Variants in BUB1B observed in about 807,000 individuals in gnomAD.
The protein encoded by BUB1B is mitotic checkpoint serine/threonine-protein kinase BUB1 beta.
Under a neutral mutation model 137.7 loss-of-function variants are expected in BUB1B, and 86 were observed. That is an observed-to-expected ratio of 0.62 (90% confidence interval 0.52 to 0.75). BUB1B has a LOEUF of 0.75. BUB1B is among the 30% of genes least tolerant of loss of function. The pLI is 0.00. For synonymous variants in BUB1B, 420 were observed against 417.9 expected (o/e 1.00, Z -0.06); for missense variants, 1,130 against 1,236.9 (o/e 0.91, Z 1.30).
chr15:40,211,577 A>G (rs2140907168), intron 18 of BUB1B, among the ~76,000 whole-genome samples: 1 of 152,286 alleles, frequency 6.6e-6, no homozygotes, highest in South Asian at 2.1e-4. Context: ...ATTGGTCTGA[A>G]GAATAGAAGA....
Position 40,161,257 on chromosome 15 carries a change from T to C in BUB1B, c.35+2T>C. 1 of 1,612,126 alleles carries C rather than the reference T, an allele frequency of 6.2e-7. No individual in the cohort carries two copies. Among genetic ancestry groups the C allele is most frequent in the Non-Finnish European group, 8.5e-7 (1 of 1,179,122 alleles). The stretch of plus-strand genomic sequence containing the variant: ...GAAGAAGGAAGGGGGTGCTCTGAGG[T>C]AGGTACGGGAGAAAGCTGCTGGGGG... On this transcript the variant is annotated splice_donor_variant, in intron 1 of 22. Coordinates refer to ENST00000287598, the MANE Select transcript of BUB1B (RefSeq NM_001211.6). LOFTEE classifies it high-confidence loss of function.
intron 6 of BUB1B, among the ~76,000 whole-genome samples, 188 bp from the exon 7 acceptor site, chr15:40,184,977 A>G (rs2037340923): frequency 1.3e-5 from 2 of 152,176 alleles, no homozygotes; most frequent in Admixed American, 1.3e-4. Flanking sequence ...ATAAGTAACA[A>G]AGAATGGATA....
At chr15:40,204,714 G>T (rs1229415089) in intron 14 of BUB1B, among the ~76,000 whole-genome samples, 3 of 151,706 alleles carry the variant, frequency 2.0e-5, no homozygotes, top group Non-Finnish European at 4.4e-5. Context: ...TCAGCTCACT[G>T]CAGCCTCTGC....
At chr15:40,200,839 A>G (rs1234259924) in intron 11 of BUB1B, 92 bp from the exon 12 acceptor site, 1 of 1,027,760 alleles carries the variant, frequency 9.7e-7, no homozygotes, top group Non-Finnish European at 1.5e-6. Flanking sequence ...AGTAAATATT[A>G]TATTTAATGG....
intron 8 of BUB1B, among the ~76,000 whole-genome samples, chr15:40,190,806 T>C (rs2037427199): frequency 6.6e-6 from 1 of 151,984 alleles, no homozygotes; most frequent in Non-Finnish European, 1.5e-5. Flanking sequence ...ATGTGGATGC[T>C]GAACAAAAGG....
intron 20 of BUB1B, 54 bp from the exon 21 acceptor site, chr15:40,217,442 C>T: frequency 6.5e-7 from 1 of 1,530,780 alleles, no homozygotes; most frequent in Non-Finnish European, 9.0e-7. Flanking sequence ...ACCAGCTATG[C>T]AGCTTCTTTC....
chr15:40,183,594 A>C (rs1253983525), intron 5 of BUB1B, 120 bp from the exon 6 acceptor site: 1 of 857,582 alleles, frequency 1.2e-6, no homozygotes, highest in African/African-American at 1.7e-5. Flanking sequence ...GTTCTTTGGG[A>C]TATTTCTGCA....
rs1308452368 is a variant in BUB1B, at chr15:40,220,626, CCA to C, written c.3023_3024del (p.Thr1008SerfsTer16). On this transcript the variant is annotated frameshift_variant, in exon 23 of 23. Transcript: ENST00000287598. LOFTEE classifies it high-confidence loss of function. Reference sequence around the variant, plus strand: ...CGGATTCTGAATGCCAATGATGAGGCCACAGTGTCTGTTCTTGGGGAGCTTGC... The same window carrying C: ...CGGATTCTGAATGCCAATGATGAGGCCAGTGTCTGTTCTTGGGGAGCTTGC... 2 of 1,614,032 alleles carry C rather than the reference CCA, an allele frequency of 1.2e-6. No homozygotes were observed. The highest frequency in any genetic ancestry group is 1.7e-6 in the Non-Finnish European group (2 of 1,180,032).
intron 8 of BUB1B, among the ~76,000 whole-genome samples, chr15:40,189,783 T>C (rs2037414076): frequency 6.6e-6 from 1 of 152,238 alleles, no homozygotes; most frequent in African/African-American, 2.4e-5. Context: ...TTTGAGGAAC[T>C]GTCAAATTGT....
Position 40,206,258 on chromosome 15 carries a change from T to TA in BUB1B, c.1811dup (p.Asn604LysfsTer7). The TA allele has an allele frequency of 6.2e-7, 1 of 1,614,216 alleles. No individual in the cohort carries two copies. The highest frequency in any genetic ancestry group is 8.5e-7 in the Non-Finnish European group (1 of 1,180,034). On this transcript the variant is annotated frameshift_variant, in exon 15 of 23. Coordinates refer to ENST00000287598, the MANE Select transcript of BUB1B (RefSeq NM_001211.6). LOFTEE classifies it high-confidence loss of function. The stretch of plus-strand genomic sequence containing the variant: ...GCTTCAGAAATGTAACAATTTGTCC[T>TA]AACCCAGAAGACACTTGTGACTTTG...
chr15:40,169,253 T>A (rs1439788968), intron 2 of BUB1B, among the ~76,000 whole-genome samples: 2 of 152,198 alleles, frequency 1.3e-5, no homozygotes, highest in Non-Finnish European at 2.9e-5. Context: ...ATTATTCTTC[T>A]CTGACCAATG....
chr15:40,214,105 C>T (rs570878791), intron 20 of BUB1B, among the ~76,000 whole-genome samples: 2 of 152,276 alleles, frequency 1.3e-5, no homozygotes, highest in East Asian at 1.9e-4. Context: ...ACCAGTGCCA[C>T]TCTAGCGAGG....
At position 40,164,976 on chromosome 15, in the gene BUB1B, C is replaced by T. The variant is rs1026474945; in HGVS notation, c.36-77C>T. 252 of 1,571,852 alleles carry T rather than the reference C, an allele frequency of 1.6e-4. No individual in the cohort carries two copies. In the Admixed American group the frequency reaches 1.8e-3, roughly 11 times the overall value. ...CCCAAGACCATGAATAATCACCTTT[C>T]GGAAGACATTTACAATAATCTAGTG... On this transcript the variant is annotated intron_variant, in intron 1 of 22. Transcript: ENST00000287598.
At position 40,165,100 on chromosome 15, in the gene BUB1B, A is replaced by G. The variant is rs1458893678; in HGVS notation, c.83A>G (p.Asn28Ser). 2 of 1,614,188 alleles carry G rather than the reference A, an allele frequency of 1.2e-6. No homozygotes were observed. The highest frequency in any genetic ancestry group is 8.5e-7 in the Non-Finnish European group (1 of 1,180,038). Residue 28 changes from asparagine (N) to serine (S), a missense_variant, in exon 2 of 23, where the codon AAT becomes AGT. Asn to Ser is a conservative substitution (Grantham distance 46). Transcript: ENST00000287598. ...GATGAATGGGAACTGAGTAAAGAAAATGTACAACCTTTAAGGCAAGGGCGG... is the reference window on the plus strand; with the variant it reads ...GATGAATGGGAACTGAGTAAAGAAAGTGTACAACCTTTAAGGCAAGGGCGG... ...EGDEWELSKE[N>S]VQPLRQGRIM...
chr15:40,185,461 T>C (rs2037348920), intron 7 of BUB1B, 82 bp downstream of exon 7: 2 of 1,587,958 alleles, frequency 1.3e-6, no homozygotes, highest in Admixed American at 3.3e-5. Flanking sequence ...ACCATCTCTT[T>C]TAATTCCTCT....
At chr15:40,185,131 A>T (rs2037343319) in intron 6 of BUB1B, 34 bp from the exon 7 acceptor site, 1 of 1,562,378 alleles carries the variant, frequency 6.4e-7, no homozygotes, top group African/African-American at 1.4e-5. Flanking sequence ...ATAATGAAAC[A>T]TTTTACATGA....
chr15:40,169,932 AC>A (rs1278191782), intron 2 of BUB1B, 129 bp from the exon 3 acceptor site: 2 of 841,014 alleles, frequency 2.4e-6, no homozygotes, highest in Non-Finnish European at 4.0e-6. Context: ...TCTATAACAA[AC>A]CCATAAACTC....
At chr15:40,181,093 ATTTTT>A (rs372589327) in intron 5 of BUB1B, among the ~76,000 whole-genome samples, 2 of 137,858 alleles carry the variant, frequency 1.5e-5, no homozygotes, top group South Asian at 4.7e-4. Context: ...TCTAGATGTG[ATTTTT>A]TTTTTTTTTT....
chr15:40,195,359 A>G (rs1442712393), intron 8 of BUB1B, among the ~76,000 whole-genome samples: 1 of 152,164 alleles, frequency 6.6e-6, no homozygotes, highest in Non-Finnish European at 1.5e-5. Flanking sequence ...GATATATACC[A>G]CATTTTCTTT....
Sources: gnomAD v4.1 joint callset for allele counts (sites outside exome capture counted in the v4.1 genomes callset) on GRCh38, gnomAD v4.1.1 for gene constraint, MANE v1.5 for transcripts, NCBI Gene and HGNC (gene_info 2026-07-23, HGNC 2026-07-21) for gene names.